Variants in SLC11A1 observed in about 807,000 individuals in gnomAD.
The protein encoded by SLC11A1 is natural resistance-associated macrophage protein 1.
Under a neutral mutation model 63.2 loss-of-function variants are expected in SLC11A1, and 59 were observed. The observed-to-expected ratio is 0.93, with a 90% CI of 0.76 to 1.16. The LOEUF (loss-of-function observed/expected upper bound fraction) is 1.16. Among genes scored for constraint, SLC11A1 ranks in the 50% most tolerant of loss-of-function variants. SLC11A1 has a pLI of 0.00. For missense variants in SLC11A1, 688 were observed against 730.7 expected, an observed-to-expected ratio of 0.94 and a Z score of 0.67; for synonymous variants, 305 against 307.8, an observed-to-expected ratio of 0.99 and a Z score of 0.09.
chr2:218,389,545 C>T (rs1279092110), intron 8 of SLC11A1, among the ~76,000 whole-genome samples: 1 of 152,032 alleles, frequency 6.6e-6, no homozygotes, highest in Non-Finnish European at 1.5e-5. Flanking sequence ...CAGAACAAAA[C>T]CTGTCTCTAA....
intron 11 of SLC11A1, chr2:218,392,131 G>A (rs1316489232): frequency 1.3e-5 from 5 of 388,014 alleles, no homozygotes; most frequent in South Asian, 3.5e-5. Flanking sequence ...GTGCAATGGC[G>A]CGATCTCCGG....
At position 218,391,412 on chromosome 2, in the gene SLC11A1, C is replaced by T. The variant is rs774154922; in HGVS notation, c.1081C>T (p.Leu361Phe). 6.2e-7 allele frequency: 1 copy of T among 1,613,978 alleles called. No individual in the cohort carries two copies. Among genetic ancestry groups the T allele is most frequent in the South Asian group, 1.1e-5 (1 of 91,070 alleles). ...ILGCLFGPAA[L>F]YIWAIGLLAA... ...GGGCTGCCTGTTCGGCCCCGCGGCC[C>T]TCTACATCTGGGCCATAGGTCTCCT... The change falls in exon 11 of 15, where the codon CTC (leucine) becomes TTC (phenylalanine). Residue 361 changes from leucine (L) to phenylalanine (F), a missense_variant. By Grantham distance (22) the Leu-to-Phe change is conservative. Transcript: ENST00000233202.
intron 11 of SLC11A1, 88 bp from the exon 12 acceptor site, chr2:218,392,893 A>C: frequency 9.2e-7 from 1 of 1,084,110 alleles, no homozygotes; most frequent in Non-Finnish European, 1.3e-6. Flanking sequence ...GCCCCCAGGG[A>C]TAAATCGGTT....
chr2:218,394,718 C>T lies in SLC11A1; in HGVS notation c.1475C>T (p.Pro492Leu). 3 of 1,614,062 alleles carry T rather than the reference C, an allele frequency of 1.9e-6. No homozygotes were observed. The highest frequency in any genetic ancestry group is 1.6e-4 in the Middle Eastern group (1 of 6,062). The change falls in exon 14 of 15, where the codon CCC becomes CTC. Residue 492 changes from proline to leucine, a missense_variant. Coordinates refer to ENST00000233202, the MANE Select transcript of SLC11A1 (RefSeq NM_000578.4). ...GTGGTCAGCTATCTGCCCAGCCTGCCCCACCCTGCCTACTTCGGCCTTGCA... is the reference window on the plus strand; with the variant it reads ...GTGGTCAGCTATCTGCCCAGCCTGCTCCACCCTGCCTACTTCGGCCTTGCA... ...YFVVSYLPSL[P>L]HPAYFGLAAL...
At chr2:218,385,288 AG>A in intron 4 of SLC11A1, 22 bp downstream of exon 4, 1 of 1,613,600 alleles carries the variant, frequency 6.2e-7, no homozygotes, top group Non-Finnish European at 8.5e-7. Context: ...GGGCCTGGAC[AG>A]GGAGAACCAC....
chr2:218,382,604 G>C (rs528749746), intron 1 of SLC11A1, among the ~76,000 whole-genome samples: 1 of 152,188 alleles, frequency 6.6e-6, no homozygotes, highest in Admixed American at 6.5e-5. Context: ...TGAAGTCCGT[G>C]GATCAAAGCC....
chr2:218,388,989 T>C (rs1696280609), intron 8 of SLC11A1, among the ~76,000 whole-genome samples: 1 of 151,876 alleles, frequency 6.6e-6, no homozygotes, highest in South Asian at 2.1e-4. Flanking sequence ...TTGGGTGTTG[T>C]GCACACCTGT....
intron 9 of SLC11A1, among the ~76,000 whole-genome samples, chr2:218,390,438 A>G (rs1474550938): frequency 2.0e-5 from 3 of 152,224 alleles, no homozygotes; most frequent in African/African-American, 7.2e-5. Context: ...ATACTGGAAA[A>G]GGAACTAGCC....
chr2:218,387,931 C>T lies in SLC11A1; in HGVS notation c.771C>T (p.Ile257=), dbSNP rs201709642. The T allele has an allele frequency of 6.2e-7, 1 of 1,610,518 alleles. No homozygotes were observed. Among genetic ancestry groups the T allele is most frequent in the South Asian group, 1.1e-5 (1 of 90,364 alleles). ...GCGCCATCATCATGCCCCACAACAT[C>T]TACCTGCACTCGGCCCTGGTCAAGG... The part of the protein sequence containing the change: ...IVGAIIMPHN[I]YLHSALVKSR... Residue 257 remains isoleucine, a synonymous_variant, in exon 8 of 15, where the codon ATC becomes ATT. Coordinates refer to ENST00000233202, the MANE Select transcript of SLC11A1 (RefSeq NM_000578.4).
rs767369940 is a variant in SLC11A1 at position 218,391,377 on chromosome 2, G to T, written c.1046G>T (p.Gly349Val). The change falls in exon 11 of 15, where the codon GGC (glycine) becomes GTC (valine). Residue 349 changes from glycine to valine, a missense_variant and splice_region_variant. Physicochemically the swap from Gly to Val is moderately radical, Grantham distance 109. Coordinates refer to ENST00000233202, the MANE Select transcript of SLC11A1 (RefSeq NM_000578.4). Reference protein sequence around the residue: ...ATVAVDIYQGGVILGCLFGPA... With the variant: ...ATVAVDIYQGVVILGCLFGPA... ...GTCCTACCACACTCGTCCCTGCAGG[G>T]CGTGATCCTGGGCTGCCTGTTCGGC... is the stretch of plus-strand genomic sequence containing the variant. 1 of 1,614,000 alleles carries T rather than the reference G, an allele frequency of 6.2e-7. No homozygotes were observed. Among genetic ancestry groups the T allele is most frequent in the South Asian group, 1.1e-5 (1 of 91,068 alleles).
At position 218,391,260 on chromosome 2, in the gene SLC11A1, CA is replaced by C. The variant is rs745833066; in HGVS notation, c.1018del (p.Thr340ProfsTer11). 1 of 1,613,954 alleles carries C rather than the reference CA, an allele frequency of 6.2e-7. No individual in the cohort carries two copies. The highest frequency in any genetic ancestry group is 1.1e-5 in the South Asian group (1 of 91,068). On this transcript the variant is annotated frameshift_variant, in exon 10 of 15. Coordinates refer to ENST00000233202, the MANE Select transcript of SLC11A1 (RefSeq NM_000578.4). LOFTEE classifies it high-confidence loss of function. The part of the protein sequence containing the change: ...YAKIFPMNNA[T>X]VAVDIYQGGV... ...CCAAGATCTTCCCCATGAACAACGC[CA>C]CCGTGGCCGTGGACATTTACCAGGG... is the stretch of plus-strand genomic sequence containing the variant.
At chr2:218,383,289 G>A in intron 2 of SLC11A1, 187 bp downstream of exon 2, 1 of 617,404 alleles carries the variant, frequency 1.6e-6, no homozygotes, top group Admixed American at 3.0e-5. Flanking sequence ...GGGTGCTTCA[G>A]TATTTGTCTA....
chr2:218,383,479 A>T (rs1695911683), intron 2 of SLC11A1: 1 of 167,776 alleles, frequency 6.0e-6, no homozygotes, highest in Non-Finnish European at 1.3e-5. Context: ...CTGCATTTCC[A>T]GTATCTTCTC....
In SLC11A1 at chr2:218,385,137, C is replaced by A; in HGVS notation, c.274-10C>A. The stretch of plus-strand genomic sequence containing the variant: ...TCTCTGGCTGAAGGCCTCTCCCTGC[C>A]TCCTCACAGCTTCTCTGGGTGCTGC... On this transcript the variant is annotated splice_polypyrimidine_tract_variant and intron_variant, in intron 3 of 14. Coordinates refer to ENST00000233202, the MANE Select transcript of SLC11A1 (RefSeq NM_000578.4). 2.5e-6 allele frequency: 4 copies of A among 1,613,456 alleles called. No individual in the cohort carries two copies. The South Asian group carries it at 3.3e-5, about 13-fold the overall frequency.
Position 218,394,160 on chromosome 2 carries a change from TGCCCAC to T in SLC11A1, c.1356_1361del (p.Met452_Thr454delinsIle). 6.2e-7 allele frequency: 1 copy of T among 1,614,192 alleles called. No homozygotes were observed. Among genetic ancestry groups the T allele is most frequent in the Non-Finnish European group, 8.5e-7 (1 of 1,180,024 alleles). On this transcript the variant is annotated inframe_deletion, in exon 13 of 15. Coordinates refer to ENST00000233202, the MANE Select transcript of SLC11A1 (RefSeq NM_000578.4). ...CTGCCCATCCTCACGTTCACCAGCA[TGCCCAC>T]CCTCATGCAGGAGTTTGCCAATGGC...
At chr2:218,391,627 TTTG>T (rs961575240) in intron 11 of SLC11A1, 132 bp downstream of exon 11, 48 of 1,215,452 alleles carry the variant, frequency 3.9e-5, no homozygotes, top group South Asian at 6.6e-5. Flanking sequence ...TGTTTTTGTT[TTTG>T]TTGTTGTTGT....
rs949091215 is a variant in SLC11A1, at chr2:218,396,417, C to T, written c.*1382C>T. The T allele has an allele frequency of 5.2e-5, 8 of 152,454 alleles. No homozygotes were observed. The highest frequency in any genetic ancestry group is 8.8e-5 in the Non-Finnish European group (6 of 68,090). The allele number at this position is 152,454 out of a possible 1,614,324, so 9.4% of individuals were successfully genotyped here. A position where few individuals can be genotyped will look rare whatever the true frequency, so the allele number is the denominator to read the frequency against. ...GCCGCAGCGAGGAGAGGCCAACAGGCCTTTCCCTAGAGTTGAACCTGGGCC... is the reference window on the plus strand; with the variant it reads ...GCCGCAGCGAGGAGAGGCCAACAGGTCTTTCCCTAGAGTTGAACCTGGGCC... On this transcript the variant is annotated 3_prime_UTR_variant, in exon 15 of 15. Coordinates refer to ENST00000233202, the MANE Select transcript of SLC11A1 (RefSeq NM_000578.4).
intron 13 of SLC11A1, 62 bp from the exon 14 acceptor site, chr2:218,394,567 AGAG>A (rs1196945795): frequency 6.4e-7 from 1 of 1,559,670 alleles, no homozygotes; most frequent in East Asian, 2.3e-5. Flanking sequence ...TGGGAGATGA[AGAG>A]GAGTTGATGC....
At position 218,385,139 on chromosome 2, in the gene SLC11A1, C is replaced by T; in HGVS notation, c.274-8C>T. ...TCTGGCTGAAGGCCTCTCCCTGCCT[C>T]CTCACAGCTTCTCTGGGTGCTGCTC... On this transcript the variant is annotated splice_polypyrimidine_tract_variant and splice_region_variant and intron_variant, in intron 3 of 14. Coordinates refer to ENST00000233202, the MANE Select transcript of SLC11A1 (RefSeq NM_000578.4). 6.2e-7 allele frequency: 1 copy of T among 1,613,476 alleles called. No homozygotes were observed. The highest frequency in any genetic ancestry group is 8.5e-7 in the Non-Finnish European group (1 of 1,179,754).
Sources: gnomAD v4.1 joint callset for allele counts (sites outside exome capture counted in the v4.1 genomes callset) on GRCh38, gnomAD v4.1.1 for gene constraint, MANE v1.5 for transcripts, NCBI Gene and HGNC (gene_info 2026-07-23, HGNC 2026-07-21) for gene names.